PRKN: variants seen among roughly 807,000 people sequenced by gnomAD.
The protein encoded by PRKN is E3 ubiquitin-protein ligase parkin.
PRKN carries 56 observed loss-of-function variants against 59.5 expected under a neutral mutation model. The observed-to-expected ratio is 0.94, with a 90% confidence interval of 0.76 to 1.18. The LOEUF (loss-of-function observed/expected upper bound fraction) is 1.18. PRKN is among the 50% of genes most tolerant of loss of function. PRKN has a pLI of 0.00. For missense variants in PRKN, 657 were observed against 596.4 expected, an observed-to-expected ratio of 1.10 and a Z score of -1.06; for synonymous variants, 250 against 222.1, an observed-to-expected ratio of 1.13 and a Z score of -1.12.
intron 3 of PRKN, 133 bp from the exon 4 acceptor site, chr6:162,201,385 A>T: frequency 2.6e-6 from 2 of 779,248 alleles, no homozygotes; most frequent in Admixed American, 2.0e-5. Flanking sequence ...TACTGGAATA[A>T]ATATTCCAAT....
chr6:162,669,364 C>A (rs1265961870), intron 1 of PRKN, among the ~76,000 whole-genome samples: 1 of 152,046 alleles, frequency 6.6e-6, no homozygotes. Context: ...GTCACGATTG[C>A]CCCCATTAAA....
At chr6:161,713,825 G>A (rs1249692379) in intron 7 of PRKN, among the ~76,000 whole-genome samples, 1 of 152,100 alleles carries the variant, frequency 6.6e-6, no homozygotes, top group African/African-American at 2.4e-5. Flanking sequence ...GGAACCTGGC[G>A]GGAGGTAATT....
intron 3 of PRKN, among the ~76,000 whole-genome samples, chr6:162,218,526 G>T (rs989862437): frequency 2.0e-5 from 3 of 152,164 alleles, no homozygotes; most frequent in Non-Finnish European, 4.4e-5. Flanking sequence ...TGGGGTTGGG[G>T]ATTGGACATG....
At chr6:162,127,615 T>C (rs1432601916) in intron 4 of PRKN, among the ~76,000 whole-genome samples, 2 of 152,174 alleles carry the variant, frequency 1.3e-5, no homozygotes, top group Admixed American at 1.3e-4. Flanking sequence ...AAAGAAACAT[T>C]GTAATAAAAT....
At chr6:162,542,670 T>C (rs972938237) in intron 1 of PRKN, among the ~76,000 whole-genome samples, 5 of 152,092 alleles carry the variant, frequency 3.3e-5, no homozygotes, top group Admixed American at 6.5e-5. Context: ...ATAGAGAACA[T>C]TATGTCTCTC....
chr6:162,633,263 A>G (rs1028349007), intron 1 of PRKN, among the ~76,000 whole-genome samples: 4 of 151,614 alleles, frequency 2.6e-5, no homozygotes, highest in Non-Finnish European at 5.9e-5. Context: ...GTGAAACCCC[A>G]TCTCTACTAA....
intron 2 of PRKN, among the ~76,000 whole-genome samples, chr6:162,395,798 G>C (rs1787445740): frequency 6.6e-6 from 1 of 152,278 alleles, no homozygotes; most frequent in South Asian, 2.1e-4. Context: ...TAAAATAAAG[G>C]GCTGGCTCTC....
At chr6:161,520,662 G>T (rs1317931008) in intron 9 of PRKN, among the ~76,000 whole-genome samples, 1 of 152,130 alleles carries the variant, frequency 6.6e-6, no homozygotes, top group Non-Finnish European at 1.5e-5. Context: ...TGAGTCCTGG[G>T]TCTTATTTAA....
chr6:161,667,002 A>G (rs1319916493), intron 7 of PRKN, among the ~76,000 whole-genome samples: 1 of 152,152 alleles, frequency 6.6e-6, no homozygotes, highest in African/African-American at 2.4e-5. Flanking sequence ...TGCATTTATG[A>G]GAAGAAATAA....
chr6:162,065,491 C>T (rs533926217), intron 4 of PRKN, among the ~76,000 whole-genome samples: 9 of 151,996 alleles, frequency 5.9e-5, no homozygotes, highest in East Asian at 1.9e-4. Context: ...TCCACTGACT[C>T]GAATTTCAAT....
chr6:162,048,772 C>G (rs1777496038), intron 5 of PRKN, among the ~76,000 whole-genome samples: 1 of 150,828 alleles, frequency 6.6e-6, no homozygotes, highest in African/African-American at 2.4e-5. Flanking sequence ...TGTGTTGGGC[C>G]ACATTCAAAG....
rs1246733900 is a variant in PRKN at position 161,579,143 on chromosome 6, A to G, written c.872-9727T>C. Among the ~76,000 whole-genome samples the G allele has an allele frequency of 1.3e-5, 2 of 152,204 alleles. No homozygotes were observed. The highest frequency in any genetic ancestry group is 2.9e-5 in the Non-Finnish European group (2 of 68,028). On this transcript the variant is annotated intron_variant, in intron 7 of 11. Transcript: ENST00000366898. This position sits in a 1 kb window ranked among gnomAD's most constrained non-coding sequence, Gnocchi z 4.2. ...GGTTGACATCAGAGAAAGGAAAGGG[A>G]GGAAGTGAAGGAGATGGAATTTTGT...
intron 1 of PRKN, among the ~76,000 whole-genome samples, chr6:162,503,136 C>CTTTTTTTTTT (rs10629175): frequency 8.5e-4 from 69 of 81,070 alleles, no homozygotes; most frequent in African/African-American, 2.6e-3. Context: ...GTCTTCATTT[C>CTTTTTTTTTT]TTTTTTTTTT....
intron 1 of PRKN, among the ~76,000 whole-genome samples, chr6:162,700,560 T>C (rs1778118972): frequency 6.6e-6 from 1 of 152,112 alleles, no homozygotes; most frequent in African/African-American, 2.4e-5. Flanking sequence ...GATCACAATA[T>C]CAAACTACAG....
At chr6:162,677,784 G>C (rs1203856135) in intron 1 of PRKN, among the ~76,000 whole-genome samples, 1 of 152,144 alleles carries the variant, frequency 6.6e-6, no homozygotes, top group South Asian at 2.1e-4. Flanking sequence ...CTAGGCAAAG[G>C]ACAACGTATT....
intron 7 of PRKN, among the ~76,000 whole-genome samples, chr6:161,677,336 G>A (rs894424408): frequency 6.6e-6 from 1 of 152,218 alleles, no homozygotes; most frequent in Non-Finnish European, 1.5e-5. Flanking sequence ...GAGAGATGCA[G>A]TTACTCACTG....
chr6:161,676,215 G>A (rs1336139353), intron 7 of PRKN, among the ~76,000 whole-genome samples: 3 of 152,362 alleles, frequency 2.0e-5, no homozygotes, highest in East Asian at 3.9e-4. Flanking sequence ...CCCAAGAGAA[G>A]TAGGATGTAG....
intron 4 of PRKN, among the ~76,000 whole-genome samples, chr6:162,094,354 C>T (rs1163243330): frequency 2.0e-5 from 3 of 152,024 alleles, no homozygotes; most frequent in African/African-American, 4.8e-5. Context: ...TGTGGTGGCA[C>T]GCATCTGTGG....
rs984881962 is a variant in PRKN at position 161,590,522 on chromosome 6, C to G, written c.872-21106G>C. Reference sequence around the variant, plus strand: ...CTGAGGCGGGCCGATCAGTTGAGGTCAGGAGTTCATGACCAGTCTGGCCAA... The same window carrying G: ...CTGAGGCGGGCCGATCAGTTGAGGTGAGGAGTTCATGACCAGTCTGGCCAA... On this transcript the variant is annotated intron_variant, in intron 7 of 11. Coordinates refer to ENST00000366898, the MANE Select transcript of PRKN (RefSeq NM_004562.3). Among the ~76,000 whole-genome samples, 8 of 152,278 alleles carry G rather than the reference C, an allele frequency of 5.3e-5. 1 individual carries two copies. Among genetic ancestry groups the G allele is most frequent in the Admixed American group, 2.0e-4 (3 of 15,304 alleles).
Sources: gnomAD v4.1 joint callset for allele counts (sites outside exome capture counted in the v4.1 genomes callset) on GRCh38, gnomAD v4.1.1 for gene constraint, Gnocchi (gnomAD v3.1) non-coding constraint, MANE v1.5 for transcripts, NCBI Gene and HGNC (gene_info 2026-07-23, HGNC 2026-07-21) for gene names.